The following EXTL3 variants were observed in gnomAD, a reference collection of about 807,000 sequenced individuals.
The protein encoded by EXTL3 is exostosin-like 3.
A neutral mutation model predicts 69.3 loss-of-function variants in EXTL3; 27 were observed. That is an observed-to-expected ratio of 0.39 (90% CI 0.29 to 0.54). The LOEUF (loss-of-function observed/expected upper bound fraction) is 0.54, where lower values mean the gene tolerates loss of function less well. Among genes scored for constraint, EXTL3 ranks in the 20% least tolerant of loss-of-function variants. The pLI, the probability that EXTL3 is intolerant of heterozygous loss-of-function variation, is 0.69. For synonymous variants in EXTL3, 511 were observed against 499.4 expected, an observed-to-expected ratio of 1.02 and a Z score of -0.31; for missense variants, 1,003 against 1,231.8, an observed-to-expected ratio of 0.81 and a Z score of 2.78.
chr8:28,735,250 G>T (rs1801625336), intron 4 of EXTL3, among the ~76,000 whole-genome samples: 1 of 152,214 alleles, frequency 6.6e-6, no homozygotes, highest in Non-Finnish European at 1.5e-5. Context: ...GCGTGATGCA[G>T]TTTGGAGCGT....
intron 5 of EXTL3, chr8:28,740,014 G>T (rs1297951954): frequency 6.6e-6 from 1 of 152,190 alleles, no homozygotes; most frequent in Non-Finnish European, 1.5e-5. Flanking sequence ...TTTCCTGTGT[G>T]AAAATCTATA....
intron 4 of EXTL3, among the ~76,000 whole-genome samples, chr8:28,735,369 A>C (rs1340831167): frequency 2.6e-5 from 4 of 152,320 alleles, no homozygotes; most frequent in South Asian, 4.1e-4. Context: ...AGGAGTTTGA[A>C]GCCTATTAAC....
At chr8:28,632,681 A>G (rs56080353) in intron 1 of EXTL3, among the ~76,000 whole-genome samples, 57,443 of 150,492 alleles carry the variant, frequency 0.38, 12,809 homozygotes, top group African/African-American at 0.63. Context: ...AGCCTTCGAA[A>G]TAGCAGGGAT....
intron 1 of EXTL3, among the ~76,000 whole-genome samples, chr8:28,656,186 T>C (rs1287201071): frequency 2.0e-5 from 3 of 151,896 alleles, no homozygotes; most frequent in Non-Finnish European, 4.4e-5. Flanking sequence ...TTTTTTTTTT[T>C]GAGATAAGAT....
intron 1 of EXTL3, among the ~76,000 whole-genome samples, chr8:28,669,235 A>G (rs1464540691): frequency 6.6e-6 from 1 of 152,176 alleles, no homozygotes; most frequent in Non-Finnish European, 1.5e-5. Context: ...GGTCTTCTTC[A>G]ATTCGCACTG....
At chr8:28,611,673 C>A (rs746148806) in intron 2 of EXTL3, among the ~76,000 whole-genome samples, 18 of 152,262 alleles carry the variant, frequency 1.2e-4, no homozygotes, top group Non-Finnish European at 2.4e-4. Context: ...TTGTTGTGAG[C>A]CCCGAGGTGA....
At position 28,750,592 on chromosome 8, in the gene EXTL3, TCAGC is replaced by T. The variant is rs1801982115; in HGVS notation, c.2551-64_2551-61del. 9 of 1,341,486 alleles carry T rather than the reference TCAGC, an allele frequency of 6.7e-6. No homozygotes were observed. The highest frequency in any genetic ancestry group is 9.6e-6 in the Non-Finnish European group (9 of 935,144). The allele number at this position is 1,341,486 out of a possible 1,614,324, so 83.1% of individuals were successfully genotyped here. ...ATGGACATGGGAGTGTGGGATCGGC[TCAGC>T]TGCAAGGGTTCTGTCAGTATTAGCT... is the stretch of plus-strand genomic sequence containing the variant. On this transcript the variant is annotated intron_variant, in intron 6 of 6. Transcript: ENST00000220562. The surrounding 1 kb of genome is among the most constrained non-coding windows in gnomAD (Gnocchi z 5.2).
intron 1 of EXTL3, among the ~76,000 whole-genome samples, chr8:28,677,182 T>C (rs1042811696): frequency 2.0e-5 from 3 of 151,930 alleles, no homozygotes; most frequent in Non-Finnish European, 2.9e-5. Context: ...AAAAAGAAAA[T>C]GAAAGCACCA....
chr8:28,719,179 T>G (rs1801237677), intron 3 of EXTL3, among the ~76,000 whole-genome samples: 1 of 152,208 alleles, frequency 6.6e-6, no homozygotes, highest in African/African-American at 2.4e-5. Context: ...GAATTATTTT[T>G]CTAAGCAGCA....
chr8:28,612,455 C>T (rs1806283285), intron 2 of EXTL3, among the ~76,000 whole-genome samples: 1 of 147,468 alleles, frequency 6.8e-6, no homozygotes, highest in Non-Finnish European at 1.5e-5. Context: ...GAGCGAGACT[C>T]CATCTCTTAA....
chr8:28,619,845 C>CTT (rs56276866), upstream of EXTL3, among the ~76,000 whole-genome samples: 11 of 50,850 alleles, frequency 2.2e-4, 3 homozygotes, highest in Admixed American at 6.4e-4. Flanking sequence ...GCTTCTGGTT[C>CTT]TTTTTTTTTT....
At chr8:28,638,879 C>T (rs1806698052) in intron 1 of EXTL3, among the ~76,000 whole-genome samples, 1 of 152,028 alleles carries the variant, frequency 6.6e-6, no homozygotes, top group African/African-American at 2.4e-5. Flanking sequence ...GATCCGCCCA[C>T]CTCAACGTCC....
intron 1 of EXTL3, among the ~76,000 whole-genome samples, chr8:28,624,918 A>C (rs1806469027): frequency 6.6e-6 from 1 of 152,246 alleles, no homozygotes. Flanking sequence ...TAAAAAAATA[A>C]GCAGATCAAG....
At chr8:28,627,991 G>A (rs1043263289) in intron 1 of EXTL3, among the ~76,000 whole-genome samples, 17 of 152,144 alleles carry the variant, frequency 1.1e-4, no homozygotes, top group Non-Finnish European at 2.2e-4. Context: ...AGATGAAAAA[G>A]TTCTAGAGAA....
chr8:28,703,245 C>G (rs1419423105), intron 1 of EXTL3, among the ~76,000 whole-genome samples: 1 of 152,054 alleles, frequency 6.6e-6, no homozygotes, highest in Non-Finnish European at 1.5e-5. Context: ...AGGGGCATAC[C>G]TACCTAAAAA....
chr8:28,621,936 C>G (rs759952343), upstream of EXTL3, among the ~76,000 whole-genome samples: 7 of 152,172 alleles, frequency 4.6e-5, no homozygotes, highest in Non-Finnish European at 8.8e-5. Context: ...TAGCGACTTA[C>G]TAGTCATTTG....
intron 1 of EXTL3, among the ~76,000 whole-genome samples, chr8:28,634,590 ACAT>A (rs1806622697): frequency 7.0e-6 from 1 of 143,810 alleles, no homozygotes; most frequent in South Asian, 2.2e-4. Flanking sequence ...AGAGATGACC[ACAT>A]CTGCTTTTTT....
At chr8:28,658,497 G>A (rs1224387595) in intron 1 of EXTL3, among the ~76,000 whole-genome samples, 10 of 152,030 alleles carry the variant, frequency 6.6e-5, no homozygotes, top group Non-Finnish European at 1.5e-4. Context: ...AAAAGGAAGT[G>A]TCTTATACAC....
chr8:28,659,140 C>T (rs1807062890), intron 1 of EXTL3, among the ~76,000 whole-genome samples: 1 of 152,184 alleles, frequency 6.6e-6, no homozygotes, highest in African/African-American at 2.4e-5. Context: ...CCATGGGGTG[C>T]TGTGCCAATT....
Sources: allele counts gnomAD v4.1 joint callset (sites outside exome capture counted in the v4.1 genomes callset), GRCh38; gene constraint gnomAD v4.1.1; non-coding constraint Gnocchi (gnomAD v3.1); transcripts MANE v1.5; gene names NCBI Gene and HGNC (gene_info 2026-07-23, HGNC 2026-07-21).